The following KCNB2 variants were observed in gnomAD, a reference collection of about 807,000 sequenced individuals.
The protein encoded by KCNB2 is potassium voltage-gated channel subfamily B member 2, also known as delayed rectifier potassium channel protein.
A neutral mutation model predicts 61.5 loss-of-function variants in KCNB2; 15 were observed. That is an observed-to-expected ratio of 0.24 (90% CI 0.16 to 0.38). The LOEUF is 0.38. Ranked by LOEUF, KCNB2 falls within the 10% of genes least tolerant of loss-of-function variation. The pLI is 1.00. For missense variants in KCNB2, 828 were observed against 1,125.2 expected, an observed-to-expected ratio of 0.74 and a Z score of 3.78; for synonymous variants, 457 against 446.0, an observed-to-expected ratio of 1.02 and a Z score of -0.31.
At chr8:72,811,898 C>T (rs1809311475) in intron 2 of KCNB2, among the ~76,000 whole-genome samples, 1 of 152,220 alleles carries the variant, frequency 6.6e-6, no homozygotes, top group Admixed American at 6.5e-5. Context: ...TGCACCTTCA[C>T]GGGTCCCACG....
At chr8:72,557,619 A>T (rs927158951) in intron 1 of KCNB2, among the ~76,000 whole-genome samples, 1 of 152,188 alleles carries the variant, frequency 6.6e-6, no homozygotes, top group African/African-American at 2.4e-5. Context: ...GAAGATGTAG[A>T]TGAGTAGTAA....
chr8:72,701,394 A>G (rs773543737), intron 2 of KCNB2, among the ~76,000 whole-genome samples: 4 of 152,130 alleles, frequency 2.6e-5, no homozygotes, highest in Non-Finnish European at 5.9e-5. Context: ...AGCACATCTC[A>G]TAGCAGTGGA....
chr8:72,629,282 G>A (rs1805842145), intron 2 of KCNB2, among the ~76,000 whole-genome samples: 2 of 152,182 alleles, frequency 1.3e-5, no homozygotes, highest in Admixed American at 6.5e-5. Flanking sequence ...TCCTGATTGA[G>A]AGGCACTGAT....
chr8:72,686,094 C>T lies in KCNB2; in HGVS notation c.579+117781C>T, dbSNP rs147685649. Among the ~76,000 whole-genome samples, 318 of 152,338 alleles carry T rather than the reference C, an allele frequency of 2.1e-3. 3 individuals carry two copies. The highest frequency in any genetic ancestry group is 7.2e-3 in the African/African-American group (299 of 41,572). On this transcript the variant is annotated intron_variant, in intron 2 of 2. Transcript: ENST00000523207. ...GAAGGGCAGCACAAGAAAAGGAGAG[C>T]TCTCTTAATGCCAATCCTTTCTTTT...
At chr8:72,754,527 C>T (rs1808252906) in intron 2 of KCNB2, among the ~76,000 whole-genome samples, 1 of 152,210 alleles carries the variant, frequency 6.6e-6, no homozygotes. Context: ...TACCACCTCT[C>T]TGCCCTCTTG....
chr8:72,795,602 T>C (rs1486722454), intron 2 of KCNB2, among the ~76,000 whole-genome samples: 2 of 152,214 alleles, frequency 1.3e-5, no homozygotes, highest in Non-Finnish European at 2.9e-5. Context: ...GCTTAGCCTT[T>C]TGTTCATCAG....
chr8:72,721,059 G>A (rs752886090), intron 2 of KCNB2, among the ~76,000 whole-genome samples: 1 of 152,164 alleles, frequency 6.6e-6, no homozygotes, highest in Non-Finnish European at 1.5e-5. Flanking sequence ...AATTCACAAA[G>A]AACTCCAAAT....
At chr8:72,884,972 A>G (rs914531158) in intron 2 of KCNB2, among the ~76,000 whole-genome samples, 1 of 152,230 alleles carries the variant, frequency 6.6e-6, no homozygotes, top group Non-Finnish European at 1.5e-5. Context: ...GTTATAGATT[A>G]ATATGCAATT....
intron 2 of KCNB2, among the ~76,000 whole-genome samples, chr8:72,828,860 T>G (rs1415383932): frequency 6.6e-6 from 1 of 152,202 alleles, no homozygotes; most frequent in South Asian, 2.1e-4. Context: ...GCTTAACATT[T>G]TTGACAGTTT....
chr8:72,715,330 C>G (rs948628361), intron 2 of KCNB2, among the ~76,000 whole-genome samples: 2 of 152,228 alleles, frequency 1.3e-5, no homozygotes, highest in African/African-American at 4.8e-5. Context: ...ATTTACAGAA[C>G]TGTCCACCCC....
chr8:72,710,843 A>G (rs1457051091), intron 2 of KCNB2, among the ~76,000 whole-genome samples: 2 of 152,232 alleles, frequency 1.3e-5, no homozygotes, highest in African/African-American at 2.4e-5. Context: ...GTTTTCCTCA[A>G]TGGGAAACAA....
chr8:72,561,791 A>ATATATG (rs1563523702), intron 1 of KCNB2, among the ~76,000 whole-genome samples: 17 of 79,798 alleles, frequency 2.1e-4, no homozygotes, highest in Admixed American at 4.1e-4. Context: ...ATATATATAC[A>ATATATG]TATATATATA....
At chr8:72,817,604 A>G (rs768052758) in intron 2 of KCNB2, among the ~76,000 whole-genome samples, 3 of 152,174 alleles carry the variant, frequency 2.0e-5, no homozygotes, top group Non-Finnish European at 4.4e-5. Context: ...ACCTTTCCTC[A>G]TTAAACTCTG....
At chr8:72,767,225 T>A (rs1377715197) in intron 2 of KCNB2, among the ~76,000 whole-genome samples, 1 of 152,192 alleles carries the variant, frequency 6.6e-6, no homozygotes, top group East Asian at 1.9e-4. Context: ...CACTAATACG[T>A]GCTAGTTCCT....
intron 2 of KCNB2, among the ~76,000 whole-genome samples, chr8:72,889,049 G>A (rs185067704): frequency 5.9e-5 from 9 of 152,206 alleles, no homozygotes; most frequent in East Asian, 1.9e-4. Context: ...GAAGCTGCTC[G>A]GCACAGTAGA....
intron 2 of KCNB2, among the ~76,000 whole-genome samples, chr8:72,578,767 T>C (rs1357023834): frequency 6.6e-6 from 1 of 152,220 alleles, no homozygotes; most frequent in Non-Finnish European, 1.5e-5. Flanking sequence ...AATATTATAA[T>C]TGAAAAAAAA....
chr8:72,901,218 A>C (rs13252491), intron 2 of KCNB2, among the ~76,000 whole-genome samples: 2 of 152,004 alleles, frequency 1.3e-5, no homozygotes, highest in Non-Finnish European at 2.9e-5. Flanking sequence ...GCATAGACTT[A>C]CTGCAGGAGA....
intron 2 of KCNB2, among the ~76,000 whole-genome samples, chr8:72,698,594 C>T (rs114654953): frequency 0.015 from 2,209 of 152,214 alleles, 51 homozygotes; most frequent in African/African-American, 0.051. Flanking sequence ...AGAGATATCA[C>T]ATTACCCGAC....
intron 2 of KCNB2, chr8:72,619,418 C>A: frequency 2.6e-6 from 1 of 385,596 alleles, no homozygotes; most frequent in East Asian, 6.4e-5. Context: ...ACATCCCTGT[C>A]CTGGAGCTTG....
Sources: gnomAD v4.1 joint callset for allele counts (sites outside exome capture counted in the v4.1 genomes callset) on GRCh38, gnomAD v4.1.1 for gene constraint, MANE v1.5 for transcripts, NCBI Gene and HGNC (gene_info 2026-07-23, HGNC 2026-07-21) for gene names.